Variants in ANO6 observed in about 807,000 individuals in gnomAD.
The protein encoded by ANO6 is anoctamin-6.
ANO6 carries 106 observed loss-of-function variants against 117.5 expected under a neutral mutation model. The observed-to-expected ratio is 0.90, with a 90% CI of 0.77 to 1.06. The LOEUF is 1.06. Among genes scored for constraint, ANO6 ranks in the 50% least tolerant of loss-of-function variants. ANO6 has a pLI of 0.00. For synonymous variants in ANO6, 367 were observed against 385.1 expected (o/e 0.95, Z 0.55); for missense variants, 955 against 1,121.1 (o/e 0.85, Z 2.12).
intron 3 of ANO6, among the ~76,000 whole-genome samples, chr12:45,332,568 C>G (rs1484235417): frequency 6.6e-6 from 1 of 152,046 alleles, no homozygotes; most frequent in Non-Finnish European, 1.5e-5. Context: ...AATTCTGCCA[C>G]TCTGTTGGAG....
chr12:45,229,770 T>A (rs1340535410), intron 1 of ANO6, among the ~76,000 whole-genome samples: 1 of 152,162 alleles, frequency 6.6e-6, no homozygotes, highest in Non-Finnish European at 1.5e-5. Context: ...GATGGAGACC[T>A]GCCACTACTT....
chr12:45,361,652 G>A (rs1052928902), intron 8 of ANO6, among the ~76,000 whole-genome samples: 1 of 152,052 alleles, frequency 6.6e-6, no homozygotes, highest in Admixed American at 6.5e-5. Flanking sequence ...CTCTTTATCA[G>A]GTTGGGAAAG....
intron 19 of ANO6, among the ~76,000 whole-genome samples, chr12:45,424,676 TC>T (rs1230710651): frequency 6.6e-6 from 1 of 152,026 alleles, no homozygotes; most frequent in Non-Finnish European, 1.5e-5. Context: ...CAATAAGCAC[TC>T]TTGTAGTGCT....
At chr12:45,357,865 C>G (rs1013649146) in intron 8 of ANO6, among the ~76,000 whole-genome samples, 9 of 152,114 alleles carry the variant, frequency 5.9e-5, no homozygotes, top group Non-Finnish European at 1.0e-4. Flanking sequence ...TGATTTCTTA[C>G]TACTAAAAAG....
At chr12:45,250,882 A>C (rs1042990747) in intron 1 of ANO6, among the ~76,000 whole-genome samples, 4 of 151,758 alleles carry the variant, frequency 2.6e-5, no homozygotes, top group African/African-American at 9.7e-5. Context: ...ATGTGTCACC[A>C]CACCTGGCCC....
chr12:45,238,139 CT>C (rs1947676233), intron 1 of ANO6, among the ~76,000 whole-genome samples: 1 of 141,684 alleles, frequency 7.1e-6, no homozygotes, highest in Non-Finnish European at 1.5e-5. Context: ...ATGGGGTTTT[CT>C]TTTTCTTTTT....
chr12:45,359,108 A>G (rs1277271453), intron 8 of ANO6, among the ~76,000 whole-genome samples: 1 of 152,204 alleles, frequency 6.6e-6, no homozygotes, highest in Non-Finnish European at 1.5e-5. Context: ...TAAAAATAAC[A>G]GTTATATAGA....
At chr12:45,228,472 G>T (rs1041912497) in intron 1 of ANO6, among the ~76,000 whole-genome samples, 14 of 151,956 alleles carry the variant, frequency 9.2e-5, no homozygotes, top group African/African-American at 3.4e-4. Flanking sequence ...ATGCTCCTTT[G>T]TGTCATTGTA....
chr12:45,429,044 A>G, intron 19 of ANO6, 61 bp from the exon 20 acceptor site: 1 of 1,583,292 alleles, frequency 6.3e-7, no homozygotes, highest in South Asian at 1.1e-5. Context: ...CAAGAATGAA[A>G]GGAACTCGGT....
intron 12 of ANO6, among the ~76,000 whole-genome samples, chr12:45,391,597 G>A (rs1418349723): frequency 6.6e-6 from 1 of 152,138 alleles, no homozygotes; most frequent in Non-Finnish European, 1.5e-5. Context: ...GCCAGGCATG[G>A]TGGCTCACGC....
rs369014453 is a variant in ANO6, at chr12:45,388,315, C to T, written c.1308+12C>T. ...ATGAGATTACTCAGGTAAGCAGGGT[C>T]GTATTTAGGTGCAGTTTAATCTACT... is the stretch of plus-strand genomic sequence containing the variant. On this transcript the variant is annotated intron_variant, in intron 11 of 19. Transcript: ENST00000320560. 43 of 1,613,510 alleles carry T rather than the reference C, an allele frequency of 2.7e-5. No homozygotes were observed. In the African/African-American group the frequency reaches 3.9e-4, roughly 15 times the overall value.
intron 1 of ANO6, among the ~76,000 whole-genome samples, chr12:45,233,659 TA>T (rs1432441123): frequency 2.0e-5 from 3 of 152,240 alleles, no homozygotes; most frequent in African/African-American, 7.2e-5. Context: ...TGTAAAAGCA[TA>T]TTTTACATAT....
At chr12:45,344,378 A>G (rs944160372) in intron 3 of ANO6, among the ~76,000 whole-genome samples, 4 of 152,224 alleles carry the variant, frequency 2.6e-5, no homozygotes, top group African/African-American at 9.6e-5. Context: ...GAGACTGGGT[A>G]ATTTATAAAG....
rs1425309540 is a variant in ANO6, at chr12:45,273,611, A to G, written c.71-28403A>G. On this transcript the variant is annotated intron_variant, in intron 1 of 19. Coordinates refer to ENST00000320560, the MANE Select transcript of ANO6 (RefSeq NM_001025356.3). The stretch of plus-strand genomic sequence containing the variant: ...CTTGATTGCTATTGATTTTCTTCTC[A>G]CATGCTGTGAGTTAGAAAAATGTAG... 5.9e-5 allele frequency among the ~76,000 whole-genome samples: 9 copies of G among 152,288 alleles called. No individual in the cohort carries two copies. In the East Asian group the frequency reaches 1.7e-3, roughly 29 times the overall value.
At position 45,379,861 on chromosome 12, in the gene ANO6, G is replaced by A. The variant is rs898158302; in HGVS notation, c.1165+1748G>A. Among the ~76,000 whole-genome samples, 7 of 152,148 alleles carry A rather than the reference G, an allele frequency of 4.6e-5. No individual in the cohort carries two copies. In the East Asian group the frequency reaches 1.3e-3, roughly 29 times the overall value. On this transcript the variant is annotated intron_variant, in intron 10 of 19. Coordinates refer to ENST00000320560, the MANE Select transcript of ANO6 (RefSeq NM_001025356.3). The stretch of plus-strand genomic sequence containing the variant: ...AGAAAGTATTTCAGCACTGCCTATA[G>A]CATCGTATGTATATTTTTAAGGATA...
At chr12:45,402,051 T>G (rs1317329172) in intron 13 of ANO6, 31 bp downstream of exon 13, 1 of 1,587,150 alleles carries the variant, frequency 6.3e-7, no homozygotes. Context: ...AGGTAACTTC[T>G]GACATATTTT....
intron 4 of ANO6, 22 bp from the exon 5 acceptor site, chr12:45,348,006 C>T (rs374888635): frequency 4.4e-5 from 71 of 1,609,328 alleles, no homozygotes; most frequent in Middle Eastern, 3.3e-4. Context: ...TCTTGTTCTG[C>T]GTTTTTATTT....
chr12:45,402,444 TC>T (rs1942816305), intron 13 of ANO6, among the ~76,000 whole-genome samples: 1 of 152,174 alleles, frequency 6.6e-6, no homozygotes, highest in Non-Finnish European at 1.5e-5. Context: ...TTAATATAAT[TC>T]TCATCAGCCC....
chr12:45,288,853 TCCTCC>T (rs577448346), intron 1 of ANO6, among the ~76,000 whole-genome samples: 203 of 152,108 alleles, frequency 1.3e-3, no homozygotes, highest in African/African-American at 4.6e-3. Flanking sequence ...GTTCAAGCCA[TCCTCC>T]TGCCTCAGCC....
Sources: gnomAD v4.1 joint callset for allele counts (sites outside exome capture counted in the v4.1 genomes callset) on GRCh38, gnomAD v4.1.1 for gene constraint, MANE v1.5 for transcripts, NCBI Gene and HGNC (gene_info 2026-07-23, HGNC 2026-07-21) for gene names.